Variants in MMP26 observed in about 807,000 individuals in gnomAD.
The protein encoded by MMP26 is matrix metalloproteinase-26.
Under a neutral mutation model 31.0 loss-of-function variants are expected in MMP26, and 33 were observed. The observed-to-expected ratio is 1.06, with a 90% CI of 0.81 to 1.42. MMP26 has a LOEUF of 1.42. Ranked by LOEUF, MMP26 falls within the 40% of genes most tolerant of loss-of-function variation. The pLI is 0.00. For synonymous variants in MMP26, 122 were observed against 114.9 expected, an observed-to-expected ratio of 1.06 and a Z score of -0.40; for missense variants, 347 against 316.1, an observed-to-expected ratio of 1.10 and a Z score of -0.74.
chr11:4,828,219 T>C (rs1357622815), intron 2 of MMP26, among the ~76,000 whole-genome samples: 4 of 152,296 alleles, frequency 2.6e-5, no homozygotes, highest in African/African-American at 9.6e-5. Flanking sequence ...CATTGTAGAC[T>C]GAAGAGGTGC....
chr11:4,772,421 C>T (rs879762076), intron 2 of MMP26, among the ~76,000 whole-genome samples: 3 of 139,050 alleles, frequency 2.2e-5, no homozygotes, highest in Non-Finnish European at 5.0e-5. Context: ...CACCCAGTCT[C>T]TAGGCTCCTA....
chr11:4,773,749 A>G (rs1012358372), intron 2 of MMP26, among the ~76,000 whole-genome samples: 6 of 152,082 alleles, frequency 3.9e-5, no homozygotes, highest in Admixed American at 2.6e-4. Flanking sequence ...TATTAAGCCC[A>G]GAATGCATTA....
chr11:4,804,304 A>C, intron 2 of MMP26: 1 of 1,614,102 alleles, frequency 6.2e-7, no homozygotes, highest in Non-Finnish European at 8.5e-7. Context: ...CCACAACTGG[A>C]AACTCTCCAG....
intron 2 of MMP26, chr11:4,877,778 G>A (rs1274869367): frequency 2.0e-5 from 3 of 152,010 alleles, no homozygotes; most frequent in African/African-American, 4.8e-5. Context: ...CAAATACAAT[G>A]GGTAGTGATA....
At chr11:4,789,866 A>T (rs557768019) in intron 2 of MMP26, among the ~76,000 whole-genome samples, 1 of 152,170 alleles carries the variant, frequency 6.6e-6, no homozygotes, top group Admixed American at 6.5e-5. Context: ...TTCACACAGA[A>T]TATGTTTACT....
chr11:4,746,870 CACACACAA>C (rs1350634436), intron 1 of MMP26, among the ~76,000 whole-genome samples: 42 of 149,362 alleles, frequency 2.8e-4, no homozygotes, highest in Admixed American at 2.5e-3. Context: ...CACACACACA[CACACACAA>C]AGGCTATACA....
intron 1 of MMP26, among the ~76,000 whole-genome samples, chr11:4,733,908 C>T (rs1848205452): frequency 6.6e-6 from 1 of 151,638 alleles, no homozygotes; most frequent in Non-Finnish European, 1.5e-5. Flanking sequence ...TTGTCAAATG[C>T]TTCTTCTACA....
rs186873226 is a variant in MMP26, at chr11:4,860,278, A to G, written c.-145+92937A>G. The G allele has an allele frequency of 4.1e-3, 1,929 of 471,388 alleles. 8 individuals carry two copies. Among genetic ancestry groups the G allele is most frequent in the Non-Finnish European group, 4.7e-3 (1,063 of 227,096 alleles). The allele number at this position is 471,388 out of a possible 1,614,324, so 29.2% of individuals were successfully genotyped here. On this transcript the variant is annotated intron_variant, in intron 2 of 7. Coordinates refer to ENST00000380390, the MANE Select transcript of MMP26 (RefSeq NM_021801.5). Reference sequence around the variant, plus strand: ...GAACATCTGCATGATGCATGCATCAAAAACAATCTGAGGGGCATTAAACCA... The same window carrying G: ...GAACATCTGCATGATGCATGCATCAGAAACAATCTGAGGGGCATTAAACCA...
chr11:4,903,946 C>T (rs564842135), intron 2 of MMP26: 32 of 152,128 alleles, frequency 2.1e-4, no homozygotes, highest in African/African-American at 2.6e-4. Context: ...TATGCCCTGA[C>T]GGTTAAACAA....
At chr11:4,818,107 T>G (rs1285477176) in intron 2 of MMP26, among the ~76,000 whole-genome samples, 1 of 152,182 alleles carries the variant, frequency 6.6e-6, no homozygotes, top group Admixed American at 6.5e-5. Flanking sequence ...AGGCTTAGAC[T>G]AAAGGGTGTA....
At chr11:4,809,113 G>T (rs1849316562) in intron 2 of MMP26, among the ~76,000 whole-genome samples, 2 of 151,958 alleles carry the variant, frequency 1.3e-5, no homozygotes, top group African/African-American at 2.4e-5. Context: ...GGTAGGAAAA[G>T]AAAGAACCAT....
At chr11:4,808,657 C>T (rs981867640) in intron 2 of MMP26, among the ~76,000 whole-genome samples, 6 of 152,022 alleles carry the variant, frequency 3.9e-5, no homozygotes, top group Non-Finnish European at 8.8e-5. Flanking sequence ...ATACTTCTGA[C>T]TCCCCAGTAG....
chr11:4,785,497 C>T (rs1453175672), intron 2 of MMP26, among the ~76,000 whole-genome samples: 2 of 151,948 alleles, frequency 1.3e-5, no homozygotes, highest in Non-Finnish European at 2.9e-5. Flanking sequence ...TATTTTGTAC[C>T]ATCCTCTAGA....
chr11:4,856,938 A>G (rs904788141), intron 2 of MMP26, among the ~76,000 whole-genome samples: 6 of 152,216 alleles, frequency 3.9e-5, no homozygotes, highest in Admixed American at 3.3e-4. Flanking sequence ...CCGCACAACT[A>G]CATGGAAACT....
chr11:4,727,700 C>T (rs550281166), intron 1 of MMP26, among the ~76,000 whole-genome samples: 1 of 152,192 alleles, frequency 6.6e-6, no homozygotes, highest in South Asian at 2.1e-4. Flanking sequence ...ATCCCAGCTA[C>T]TTGGAGGCTG....
chr11:4,821,728 A>C (rs1045029422), intron 2 of MMP26: 2 of 1,613,804 alleles, frequency 1.2e-6, no homozygotes, highest in African/African-American at 2.7e-5. Flanking sequence ...CATTGCCCAG[A>C]TGTTCTTTCT....
intron 1 of MMP26, among the ~76,000 whole-genome samples, chr11:4,729,449 C>T (rs569270053): frequency 1.4e-4 from 22 of 152,088 alleles, no homozygotes; most frequent in Admixed American, 3.3e-4. Flanking sequence ...GAGAAGCTGC[C>T]CCAGACAGAG....
intron 2 of MMP26, among the ~76,000 whole-genome samples, chr11:4,772,690 A>G: frequency 6.6e-6 from 1 of 152,158 alleles, no homozygotes; most frequent in Non-Finnish European, 1.5e-5. Context: ...CATTTTTGTC[A>G]GTGTAGGCAG....
At chr11:4,959,237 C>CAA (rs57867455) in intron 2 of MMP26, among the ~76,000 whole-genome samples, 2 of 74,444 alleles carry the variant, frequency 2.7e-5, no homozygotes, top group African/African-American at 1.0e-4. Context: ...AACTCTGTCT[C>CAA]AAAAAAAAAA....
Sources: gnomAD v4.1 joint callset for allele counts (sites outside exome capture counted in the v4.1 genomes callset) on GRCh38, gnomAD v4.1.1 for gene constraint, MANE v1.5 for transcripts, NCBI Gene and HGNC (gene_info 2026-07-23, HGNC 2026-07-21) for gene names.